Variants in NOVA1 observed in about 807,000 individuals in gnomAD.
NOVA1 encodes the protein NOVA alternative splicing regulator 1.
Under a neutral mutation model 38.0 loss-of-function variants are expected in NOVA1, and 7 were observed. The observed-to-expected ratio is 0.18, with a 90% CI of 0.10 to 0.35. NOVA1 has a LOEUF of 0.35. Ranked by LOEUF, NOVA1 falls within the 10% of genes least tolerant of loss-of-function variation. The pLI, the probability that NOVA1 is intolerant of heterozygous loss-of-function variation, is 1.00. For missense variants in NOVA1, 460 were observed against 616.0 expected, an observed-to-expected ratio of 0.75 and a Z score of 2.68; for synonymous variants, 270 against 232.5, an observed-to-expected ratio of 1.16 and a Z score of -1.47.
chr14:26,595,898 C>A, intron 1 of NOVA1: 3 of 384,304 alleles, frequency 7.8e-6, no homozygotes, highest in South Asian at 4.2e-5. Flanking sequence ...ATGAACTGAC[C>A]CTTTAACAAA....
At chr14:26,497,384 T>C (rs1016931049) in intron 2 of NOVA1, among the ~76,000 whole-genome samples, 4 of 152,170 alleles carry the variant, frequency 2.6e-5, no homozygotes, top group African/African-American at 9.7e-5. Context: ...AGGTAATTTA[T>C]AACAAGCTTT....
chr14:26,484,150 A>G (rs1195869478), intron 2 of NOVA1, among the ~76,000 whole-genome samples: 9 of 151,990 alleles, frequency 5.9e-5, no homozygotes, highest in Non-Finnish European at 1.3e-4. Context: ...AAAGAAATTA[A>G]TTGGCCGGGT....
intron 2 of NOVA1, among the ~76,000 whole-genome samples, chr14:26,489,112 A>G (rs1886136643): frequency 6.6e-6 from 1 of 152,138 alleles, no homozygotes; most frequent in South Asian, 2.1e-4. Context: ...GAGCAAGAAA[A>G]TTAATGTCTC....
chr14:26,521,666 T>C (rs150654194), intron 2 of NOVA1, among the ~76,000 whole-genome samples: 262 of 152,176 alleles, frequency 1.7e-3, no homozygotes, highest in African/African-American at 5.6e-3. Context: ...TAATCAAAGA[T>C]ATAATAGTAT....
At chr14:26,487,167 C>A (rs1022696068) in intron 2 of NOVA1, among the ~76,000 whole-genome samples, 1 of 152,098 alleles carries the variant, frequency 6.6e-6, no homozygotes, top group Admixed American at 6.5e-5. Flanking sequence ...CTAGTCGCAG[C>A]AATGTAGTAG....
chr14:26,531,584 G>C (rs1413151846), intron 2 of NOVA1, among the ~76,000 whole-genome samples: 1 of 150,542 alleles, frequency 6.6e-6, no homozygotes, highest in South Asian at 2.1e-4. Flanking sequence ...TCCAGCCTAA[G>C]CAACAACAGC....
chr14:26,484,131 G>T (rs1233870843), intron 2 of NOVA1, among the ~76,000 whole-genome samples: 1 of 151,970 alleles, frequency 6.6e-6, no homozygotes, highest in Non-Finnish European at 1.5e-5. Flanking sequence ...TGATATAGAT[G>T]AAGGGTATAA....
intron 2 of NOVA1, among the ~76,000 whole-genome samples, chr14:26,500,013 T>C (rs1389129939): frequency 6.6e-6 from 1 of 152,092 alleles, no homozygotes; most frequent in East Asian, 1.9e-4. Context: ...TTTTCTTAGG[T>C]GTTCTGATTG....
chr14:26,570,484 A>T (rs935448591), intron 2 of NOVA1, among the ~76,000 whole-genome samples: 1 of 152,176 alleles, frequency 6.6e-6, no homozygotes, highest in Non-Finnish European at 1.5e-5. Context: ...AGTTGTCAAT[A>T]TGAATATCTC....
intron 4 of NOVA1, among the ~76,000 whole-genome samples, chr14:26,455,995 T>A (rs1052065830): frequency 4.7e-4 from 71 of 152,136 alleles, no homozygotes; most frequent in African/African-American, 1.6e-3. Context: ...TCATCATCCA[T>A]GTGTCAAGTT....
chr14:26,533,539 T>C (rs1399542541), intron 2 of NOVA1, among the ~76,000 whole-genome samples: 2 of 152,218 alleles, frequency 1.3e-5, no homozygotes, highest in African/African-American at 4.8e-5. Flanking sequence ...TCCTGACCAA[T>C]ACCTAAACTC....
chr14:26,536,867 A>C (rs1890135150), intron 2 of NOVA1, among the ~76,000 whole-genome samples: 1 of 152,146 alleles, frequency 6.6e-6, no homozygotes, highest in Non-Finnish European at 1.5e-5. Context: ...TTTTAAAAGC[A>C]CACAATATCA....
At chr14:26,498,622 T>C (rs369504339) in intron 2 of NOVA1, among the ~76,000 whole-genome samples, 19 of 152,252 alleles carry the variant, frequency 1.2e-4, no homozygotes, top group African/African-American at 3.9e-4. Flanking sequence ...TAGTATCAGG[T>C]GTAATATATT....
chr14:26,449,000 G>A lies in NOVA1; in HGVS notation c.520-37C>T. ...AAAAATACGTATAAATAATACTTCTGTTTTGTGCATATACATTATATTACT... is the reference window on the plus strand; with the variant it reads ...AAAAATACGTATAAATAATACTTCTATTTTGTGCATATACATTATATTACT... On this transcript the variant is annotated intron_variant, in intron 4 of 4. Coordinates refer to ENST00000539517, the MANE Select transcript of NOVA1 (RefSeq NM_002515.3). This position sits in a 1 kb window ranked among gnomAD's most constrained non-coding sequence, Gnocchi z 5.3. 6.5e-7 allele frequency: 1 copy of A among 1,538,760 alleles called. No individual in the cohort carries two copies. The highest frequency in any genetic ancestry group is 8.8e-7 in the Non-Finnish European group (1 of 1,135,688).
intron 2 of NOVA1, among the ~76,000 whole-genome samples, chr14:26,585,789 C>A (rs1372368742): frequency 1.2e-5 from 1 of 80,068 alleles, no homozygotes; most frequent in African/African-American, 4.4e-5. Flanking sequence ...GGATAGCATG[C>A]TAAACAGAAC....
At chr14:26,492,817 T>C (rs1886448892) in intron 2 of NOVA1, among the ~76,000 whole-genome samples, 1 of 148,820 alleles carries the variant, frequency 6.7e-6, no homozygotes, top group South Asian at 2.2e-4. Context: ...ACATAAAAAT[T>C]AGCCAGGCAT....
intron 2 of NOVA1, among the ~76,000 whole-genome samples, chr14:26,537,290 T>C (rs1396005639): frequency 1.3e-5 from 2 of 151,922 alleles, no homozygotes; most frequent in Non-Finnish European, 2.9e-5. Flanking sequence ...AAATTATATA[T>C]AATTTCTATG....
intron 2 of NOVA1, among the ~76,000 whole-genome samples, chr14:26,483,716 CAG>C (rs1885643840): frequency 6.6e-6 from 1 of 152,142 alleles, no homozygotes; most frequent in African/African-American, 2.4e-5. Flanking sequence ...ATACTGAAAA[CAG>C]AACAATAAAC....
intron 2 of NOVA1, among the ~76,000 whole-genome samples, chr14:26,547,844 G>A (rs959439293): frequency 2.6e-5 from 4 of 152,018 alleles, no homozygotes; most frequent in Non-Finnish European, 5.9e-5. Context: ...TTTAAGTATT[G>A]ACATTTACTT....
Sources: allele counts gnomAD v4.1 joint callset (sites outside exome capture counted in the v4.1 genomes callset), GRCh38; gene constraint gnomAD v4.1.1; non-coding constraint Gnocchi (gnomAD v3.1); transcripts MANE v1.5; gene names NCBI Gene and HGNC (gene_info 2026-07-23, HGNC 2026-07-21).